Variants in PCDHGA8 observed in about 807,000 individuals in gnomAD.
PCDHGA8 encodes protocadherin gamma subfamily A, 8.
Under a neutral mutation model 59.2 loss-of-function variants are expected in PCDHGA8, and 45 were observed. The ratio of observed to expected loss-of-function variants is 0.76; its 90% CI spans 0.60 to 0.98. The LOEUF (loss-of-function observed/expected upper bound fraction) is 0.98, where lower values mean the gene tolerates loss of function less well. Among genes scored for constraint, PCDHGA8 ranks in the 50% least tolerant of loss-of-function variants. The probability of loss-of-function intolerance (pLI) is 0.00; values close to 1 mark genes in which losing one functional copy is unlikely to be tolerated. For synonymous variants in PCDHGA8, 531 were observed against 519.0 expected (o/e 1.02, Z -0.32); for missense variants, 1,257 against 1,196.2 (o/e 1.05, Z -0.75).
chr5:141,456,824 G>A (rs2098890304), intron 1 of PCDHGA8, among the ~76,000 whole-genome samples: 2 of 152,170 alleles, frequency 1.3e-5, no homozygotes, highest in South Asian at 2.1e-4. Context: ...ATTAGCCATC[G>A]TGGTAGTGGG....
chr5:141,399,010 G>A (rs1400790755), intron 1 of PCDHGA8: 5 of 1,613,726 alleles, frequency 3.1e-6, no homozygotes, highest in African/African-American at 1.3e-5. Flanking sequence ...TTCAAAGAGC[G>A]GAGAAATTAC....
intron 2 of PCDHGA8, among the ~76,000 whole-genome samples, chr5:141,500,410 C>G (rs2099800033): frequency 6.6e-6 from 1 of 151,774 alleles, no homozygotes; most frequent in Non-Finnish European, 1.5e-5. Flanking sequence ...GGGGTTTCAC[C>G]GTGTTAGCCA....
At chr5:141,408,914 A>C in intron 1 of PCDHGA8, 1 of 1,613,446 alleles carries the variant, frequency 6.2e-7, no homozygotes, top group Non-Finnish European at 8.5e-7. Context: ...TACCAATGAT[A>C]ACCCCCCGGT....
chr5:141,450,815 ATAT>A (rs1420984335), intron 1 of PCDHGA8, among the ~76,000 whole-genome samples: 6 of 126,742 alleles, frequency 4.7e-5, no homozygotes, highest in South Asian at 2.4e-4. Flanking sequence ...TATTTATTTA[ATAT>A]TATTATTATT....
chr5:141,414,752 ATG>A, intron 1 of PCDHGA8: 2 of 1,614,228 alleles, frequency 1.2e-6, no homozygotes, highest in Non-Finnish European at 1.7e-6. Context: ...TCCTTCGACT[ATG>A]AGCAGTTTCA....
chr5:141,453,266 A>G (rs1322091044), intron 1 of PCDHGA8, among the ~76,000 whole-genome samples: 4 of 151,838 alleles, frequency 2.6e-5, no homozygotes. Flanking sequence ...AGTGCACACC[A>G]CCATGACTGG....
rs898536568 is a variant in PCDHGA8 at position 141,478,080 on chromosome 5, C to T, written c.2425-16727C>T. The T allele has an allele frequency of 1.9e-6, 3 of 1,614,012 alleles. No homozygotes were observed. The Admixed American group carries it at 5.0e-5, about 27-fold the overall frequency. The stretch of plus-strand genomic sequence containing the variant: ...TTGATCAAAGACAATGGGGAGCCTT[C>T]GCTCTCCACCACTGCTACCCTCACT... On this transcript the variant is annotated intron_variant, in intron 1 of 3. Coordinates refer to ENST00000398604, the MANE Select transcript of PCDHGA8 (RefSeq NM_032088.2).
chr5:141,393,635 C>T lies in PCDHGA8; in HGVS notation c.822C>T (p.Asn274=). 2 of 1,613,868 alleles carry T rather than the reference C, an allele frequency of 1.2e-6. No homozygotes were observed. The highest frequency in any genetic ancestry group is 4.5e-5 in the East Asian group (2 of 44,886). Reference sequence around the variant, plus strand: ...CCAGCGACCCGGATGAGGGAATCAACGGAAAAGTGGCATACAAATTCCGGA... The same window carrying T: ...CCAGCGACCCGGATGAGGGAATCAATGGAAAAGTGGCATACAAATTCCGGA... ...VTASDPDEGI[N]GKVAYKFRKI... Residue 274 remains asparagine, a synonymous_variant, in exon 1 of 4, where the codon AAC becomes AAT. Transcript: ENST00000398604.
chr5:141,426,364 G>C (rs918838005), intron 1 of PCDHGA8: 1 of 202,328 alleles, frequency 4.9e-6, no homozygotes, highest in Non-Finnish European at 1.0e-5. Flanking sequence ...TTTGTTCTGC[G>C]GGGCACCCTC....
chr5:141,482,205 C>A (rs1478729653), intron 1 of PCDHGA8, among the ~76,000 whole-genome samples: 1 of 151,896 alleles, frequency 6.6e-6, no homozygotes, highest in Non-Finnish European at 1.5e-5. Context: ...TAAAACAGAC[C>A]AGGTACTTGT....
At position 141,394,715 on chromosome 5, in the gene PCDHGA8, C is replaced by T. The variant is rs776573423; in HGVS notation, c.1902C>T (p.Asp634=). 1 of 1,613,304 alleles carries T rather than the reference C, an allele frequency of 6.2e-7. No homozygotes were observed. Among genetic ancestry groups the T allele is most frequent in the African/African-American group, 1.3e-5 (1 of 74,940 alleles). The change falls in exon 1 of 4, where the codon GAC becomes GAT. Residue 634 remains aspartate, a synonymous_variant. Coordinates refer to ENST00000398604, the MANE Select transcript of PCDHGA8 (RefSeq NM_032088.2). ...GEVRTARALL[D]RDALKQSLVV... is the part of the protein sequence containing the mutation. ...TGCGCACGGCGCGAGCCCTGCTGGACAGAGATGCGCTCAAGCAGAGCCTCG... is the reference window on the plus strand; with the variant it reads ...TGCGCACGGCGCGAGCCCTGCTGGATAGAGATGCGCTCAAGCAGAGCCTCG...
At position 141,487,147 on chromosome 5, in the gene PCDHGA8, T is replaced by C; in HGVS notation, c.2425-7660T>C. 1 of 1,614,122 alleles carries C rather than the reference T, an allele frequency of 6.2e-7. No individual in the cohort carries two copies. Among genetic ancestry groups the C allele is most frequent in the Non-Finnish European group, 8.5e-7 (1 of 1,179,952 alleles). On this transcript the variant is annotated intron_variant, in intron 1 of 3. Transcript: ENST00000398604. This position sits in a 1 kb window ranked among gnomAD's most constrained non-coding sequence, Gnocchi z 5.0. ...GTGGTAGTCCACCACTCTCTACCTC[T>C]GTTACTCTCTTAGTGTCCTTAGAGG...
intron 1 of PCDHGA8, among the ~76,000 whole-genome samples, chr5:141,456,679 T>C (rs1357662868): frequency 2.0e-5 from 3 of 152,104 alleles, no homozygotes; most frequent in Non-Finnish European, 2.9e-5. Flanking sequence ...AAAAATGCAT[T>C]ACTGGCCAGG....
At chr5:141,481,592 C>T (rs765060653) in intron 1 of PCDHGA8, among the ~76,000 whole-genome samples, 2 of 152,112 alleles carry the variant, frequency 1.3e-5, no homozygotes, top group East Asian at 1.9e-4. Context: ...CTGAGGCCAG[C>T]GGATCACCTG....
At chr5:141,464,861 C>G (rs1178430383) in intron 1 of PCDHGA8, among the ~76,000 whole-genome samples, 1 of 152,134 alleles carries the variant, frequency 6.6e-6, no homozygotes, top group Non-Finnish European at 1.5e-5. Flanking sequence ...ACCTTAGCCT[C>G]CCAAGTAGCT....
At chr5:141,478,454 A>G (rs766350066) in intron 1 of PCDHGA8, 4 of 1,613,596 alleles carry the variant, frequency 2.5e-6, no homozygotes, top group Non-Finnish European at 3.4e-6. Context: ...TGGTGCAGCC[A>G]GTCCACTGGC....
At chr5:141,402,284 T>C (rs2150926780) in intron 1 of PCDHGA8, among the ~76,000 whole-genome samples, 1 of 152,054 alleles carries the variant, frequency 6.6e-6, no homozygotes, top group African/African-American at 2.4e-5. Context: ...GGATAATCTA[T>C]CCTTATATAT....
chr5:141,490,903 C>G lies in PCDHGA8; in HGVS notation c.2425-3904C>G. 6.2e-7 allele frequency: 1 copy of G among 1,613,764 alleles called. No homozygotes were observed. The highest frequency in any genetic ancestry group is 1.7e-5 in the Admixed American group (1 of 60,022). On this transcript the variant is annotated intron_variant, in intron 1 of 3. Coordinates refer to ENST00000398604, the MANE Select transcript of PCDHGA8 (RefSeq NM_032088.2). This position sits in a 1 kb window ranked among gnomAD's most constrained non-coding sequence, Gnocchi z 5.4. ...CAACACATCTCTGCATGTGTTTGTC[C>G]TAGACGAGAATGATAATGCCCCAGC... is the stretch of plus-strand genomic sequence containing the variant.
chr5:141,430,485 G>T (rs926788879), intron 1 of PCDHGA8: 2 of 252,972 alleles, frequency 7.9e-6, no homozygotes, highest in Non-Finnish European at 7.4e-6. Flanking sequence ...ATATAAAAAC[G>T]AAATATCCTT....
Sources: gnomAD v4.1 joint callset for allele counts (sites outside exome capture counted in the v4.1 genomes callset) on GRCh38, gnomAD v4.1.1 for gene constraint, Gnocchi (gnomAD v3.1) non-coding constraint, MANE v1.5 for transcripts, NCBI Gene and HGNC (gene_info 2026-07-23, HGNC 2026-07-21) for gene names.